Variants in BRPF1 observed in about 807,000 individuals in gnomAD.
The protein encoded by BRPF1 is peregrin.
In BRPF1, 15 loss-of-function variants were observed where a neutral mutation model predicts 115.0. The observed-to-expected ratio is 0.13, with a 90% CI of 0.09 to 0.20. The LOEUF (loss-of-function observed/expected upper bound fraction) is 0.20. Among genes scored for constraint, BRPF1 ranks in the 10% least tolerant of loss-of-function variants. BRPF1 has a pLI of 1.00. For synonymous variants in BRPF1, 647 were observed against 619.8 expected (o/e 1.04, Z -0.65); for missense variants, 1,118 against 1,638.3 (o/e 0.68, Z 5.48).
chr3:9,744,809 C>G (rs887923124), intron 9 of BRPF1, among the ~76,000 whole-genome samples, 199 bp from the exon 10 acceptor site: 1 of 152,182 alleles, frequency 6.6e-6, no homozygotes, highest in Non-Finnish European at 1.5e-5. Flanking sequence ...CCAGTAACTG[C>G]CGAGGGAAGC....
Position 9,745,778 on chromosome 3 carries a change from G to A in BRPF1, c.3206-34G>A. On this transcript the variant is annotated intron_variant, in intron 11 of 13. Coordinates refer to ENST00000383829, the MANE Select transcript of BRPF1 (RefSeq NM_001003694.2). This position sits in a 1 kb window ranked among gnomAD's most constrained non-coding sequence, Gnocchi z 5.1. ...TCAGGGTCTCGCCAGCCCCCCAGCTGCTGATCCACCCCCTCTCCCCCATTC... is the reference window on the plus strand; with the variant it reads ...TCAGGGTCTCGCCAGCCCCCCAGCTACTGATCCACCCCCTCTCCCCCATTC... 6.2e-7 allele frequency: 1 copy of A among 1,610,976 alleles called. No homozygotes were observed. The highest frequency in any genetic ancestry group is 8.5e-7 in the Non-Finnish European group (1 of 1,177,452).
chr3:9,747,429 C>T lies in BRPF1; in HGVS notation c.*80C>T. ...GCTCACTGTCCTGGAGTGGCACCGGCCTCTGCACTGACTCATTTCTGGTCT... is the reference window on the plus strand; with the variant it reads ...GCTCACTGTCCTGGAGTGGCACCGGTCTCTGCACTGACTCATTTCTGGTCT... On this transcript the variant is annotated 3_prime_UTR_variant, in exon 14 of 14. Coordinates refer to ENST00000383829, the MANE Select transcript of BRPF1 (RefSeq NM_001003694.2). The surrounding 1 kb of genome is among the most constrained non-coding windows in gnomAD (Gnocchi z 5.6). The T allele has an allele frequency of 1.3e-6, 2 of 1,524,084 alleles. No homozygotes were observed. Among genetic ancestry groups the T allele is most frequent in the Non-Finnish European group, 8.9e-7 (1 of 1,117,358 alleles). 94.4% of individuals were successfully genotyped at this position (1,524,084 alleles called of 1,614,324 possible).
chr3:9,744,873 T>C, intron 9 of BRPF1, 135 bp from the exon 10 acceptor site: 1 of 1,206,958 alleles, frequency 8.3e-7, no homozygotes, highest in African/African-American at 1.5e-5. Flanking sequence ...CAGAGCTAGC[T>C]CTGCTGGCCA....
chr3:9,743,179 G>T lies in BRPF1; in HGVS notation c.2237G>T (p.Gly746Val). The T allele has an allele frequency of 6.2e-7, 1 of 1,614,250 alleles. No individual in the cohort carries two copies. The highest frequency in any genetic ancestry group is 8.5e-7 in the Non-Finnish European group (1 of 1,180,052). The stretch of plus-strand genomic sequence containing the variant: ...GCCCGGCGCCAGGCAGAAAAAATGG[G>T]CATTGACTTTGAGACGGGCATGCAT... The part of the protein sequence containing the change: ...RQARRQAEKM[G>V]IDFETGMHIP... The change falls in exon 7 of 14, where the codon GGC becomes GTC. Residue 746 changes from glycine to valine, a missense_variant. By Grantham distance (109) the Gly-to-Val change is moderately radical (BLOSUM62 -3). This residue lies in a region of BRPF1 where 223 missense variants were observed against 240.7 expected (regional missense o/e 0.93). Transcript: ENST00000383829. This position sits in a 1 kb window ranked among gnomAD's most constrained non-coding sequence, Gnocchi z 6.1.
rs201651794 is a variant in BRPF1, at chr3:9,743,620, A to G, written c.2354A>G (p.His785Arg). Residue 785 changes from histidine to arginine, a missense_variant, in exon 8 of 14, where the codon CAC becomes CGC. Transcript: ENST00000383829. This position sits in a 1 kb window ranked among gnomAD's most constrained non-coding sequence, Gnocchi z 6.1. Reference sequence around the variant, plus strand: ...CTGGTCTTGCTGGAGAACCAGAAGCACCTGCCAGTGGAAGAACAGCTAAAG... The same window carrying G: ...CTGGTCTTGCTGGAGAACCAGAAGCGCCTGCCAGTGGAAGAACAGCTAAAG... ...ERLVLLENQK[H>R]LPVEEQLKLL... 2.5e-6 allele frequency: 4 copies of G among 1,611,794 alleles called. No individual in the cohort carries two copies. Among genetic ancestry groups the G allele is most frequent in the Non-Finnish European group, 8.5e-7 (1 of 1,179,566 alleles).
At chr3:9,741,990 C>G in intron 5 of BRPF1, 35 bp from the exon 6 acceptor site, 1 of 1,611,684 alleles carries the variant, frequency 6.2e-7, no homozygotes, top group South Asian at 1.1e-5. Context: ...CTGAACTGGC[C>G]GAGGCCTGGC....
Position 9,740,839 on chromosome 3 carries a change from G to A in BRPF1, c.1620G>A (p.Leu540=), listed in dbSNP as rs754299765. The A allele has an allele frequency of 1.4e-5, 22 of 1,614,118 alleles. No homozygotes were observed. The African/African-American group carries it at 2.9e-4, about 22-fold the overall frequency. Residue 540 remains leucine, a synonymous_variant, in exon 4 of 14, where the codon CTG becomes CTA. Transcript: ENST00000383829. ...IQRKSQFMQR[L]HSYWTLKRQS... ...GGAAGAGCCAGTTCATGCAGAGGCT[G>A]CACAGCTACTGGACACTGAAGCGGC...
chr3:9,747,460 C>T lies in BRPF1; in HGVS notation c.*111C>T, dbSNP rs1575170804. 1 of 1,383,318 alleles carries T rather than the reference C, an allele frequency of 7.2e-7. No homozygotes were observed. The highest frequency in any genetic ancestry group is 9.9e-7 in the Non-Finnish European group (1 of 1,006,742). 85.7% of individuals were successfully genotyped at this position (1,383,318 alleles called of 1,614,324 possible). ...CACTGACTCATTTCTGGTCTTGGGG[C>T]CAGTCTCAGGGGAAGCTGGGTGGGG... On this transcript the variant is annotated 3_prime_UTR_variant, in exon 14 of 14. Coordinates refer to ENST00000383829, the MANE Select transcript of BRPF1 (RefSeq NM_001003694.2). The surrounding 1 kb of genome is among the most constrained non-coding windows in gnomAD (Gnocchi z 5.6).
rs200485819 is a variant in BRPF1, at chr3:9,745,951, C to T, written c.3324+21C>T. The T allele has an allele frequency of 1.3e-5, 21 of 1,596,966 alleles. No individual in the cohort carries two copies. In the East Asian group the frequency reaches 3.1e-4, roughly 24 times the overall value. ...CTCTGGTATGCTTGCTTCTGTTACA[C>T]TTCTTGCTTTCCAATCCCAGAATAC... On this transcript the variant is annotated intron_variant, in intron 12 of 13. Coordinates refer to ENST00000383829, the MANE Select transcript of BRPF1 (RefSeq NM_001003694.2). The surrounding 1 kb of genome is among the most constrained non-coding windows in gnomAD (Gnocchi z 5.1).
Position 9,734,510 on chromosome 3 carries a change from G to C in BRPF1, c.370G>C (p.Glu124Gln), listed in dbSNP as rs940422532. The C allele has an allele frequency of 6.2e-7, 1 of 1,613,992 alleles. No homozygotes were observed. The highest frequency in any genetic ancestry group is 1.7e-5 in the Admixed American group (1 of 59,990). The change falls in exon 2 of 14, where the codon GAA becomes CAA. Residue 124 changes from glutamate (E) to glutamine (Q), a missense_variant. Physicochemically the swap from Glu to Gln is conservative, Grantham distance 29. Around this residue, in one of 10 missense-constraint regions of BRPF1, gnomAD observed 280 missense variants for 382.8 expected, o/e 0.73. Coordinates refer to ENST00000383829, the MANE Select transcript of BRPF1 (RefSeq NM_001003694.2). The surrounding 1 kb of genome is among the most constrained non-coding windows in gnomAD (Gnocchi z 5.7). Reference sequence around the variant, plus strand: ...CCTGGATGTGGTGTCAGAGGATGAGGAAGCCCCCGAGGAGGCCCCTGAGAA... The same window carrying C: ...CCTGGATGTGGTGTCAGAGGATGAGCAAGCCCCCGAGGAGGCCCCTGAGAA... ...DNLDVVSEDE[E>Q]APEEAPENGS... is the part of the protein sequence containing the mutation.
At chr3:9,736,120 G>T (rs966542616) in intron 2 of BRPF1, among the ~76,000 whole-genome samples, 2 of 137,232 alleles carry the variant, frequency 1.5e-5, no homozygotes, top group Non-Finnish European at 3.0e-5. Context: ...CAATTCTCAC[G>T]CCTCAGCCTC....
Position 9,744,353 on chromosome 3 carries a change from A to C in BRPF1, c.2765A>C (p.Glu922Ala). Residue 922 changes from glutamate (E) to alanine (A), a missense_variant, in exon 9 of 14, where the codon GAG becomes GCG. Glu to Ala is a moderately radical substitution (Grantham distance 107, BLOSUM62 -1). Coordinates refer to ENST00000383829, the MANE Select transcript of BRPF1 (RefSeq NM_001003694.2). ...KRPGRPPKNR[E>A]SQMTPSHGGS... ...CCGGGCCGGCCCCCCAAAAACCGGG[A>C]GAGCCAGATGACCCCCAGCCACGGA... The C allele has an allele frequency of 6.2e-7, 1 of 1,613,544 alleles. No homozygotes were observed.
chr3:9,738,032 C>G (rs1430922260), intron 2 of BRPF1, among the ~76,000 whole-genome samples: 1 of 152,110 alleles, frequency 6.6e-6, no homozygotes, highest in African/African-American at 2.4e-5. Flanking sequence ...GCTTAGAAGC[C>G]AAAGCCCCAT....
rs1480111661 is a variant in BRPF1, at chr3:9,744,499, C to G, written c.2911C>G (p.Pro971Ala). Residue 971 changes from proline to alanine, a missense_variant, in exon 9 of 14, where the codon CCC (proline) becomes GCC (alanine). This residue lies in a region of BRPF1 where 92 missense variants were observed against 102.2 expected (regional missense o/e 0.90). Coordinates refer to ENST00000383829, the MANE Select transcript of BRPF1 (RefSeq NM_001003694.2). Reference protein sequence around the residue: ...DSDSDKSTEDPPMDLPANGFS... With the variant: ...DSDSDKSTEDAPMDLPANGFS... ...CGACAGTGATAAGTCCACAGAAGAC[C>G]CCCCAATGGGTGAGCCTTACCATCA... is the stretch of plus-strand genomic sequence containing the variant. 6.6e-7 allele frequency: 1 copy of G among 1,524,378 alleles called. No individual in the cohort carries two copies. The highest frequency in any genetic ancestry group is 1.4e-5 in the African/African-American group (1 of 71,698). 94.4% of individuals were successfully genotyped at this position (1,524,378 alleles called of 1,614,324 possible). A position where few individuals can be genotyped will look rare whatever the true frequency, so the allele number is the denominator to read the frequency against.
chr3:9,734,430 G>T lies in BRPF1; in HGVS notation c.290G>T (p.Arg97Leu). 6.2e-7 allele frequency: 1 copy of T among 1,614,094 alleles called. No individual in the cohort carries two copies. The highest frequency in any genetic ancestry group is 1.1e-5 in the South Asian group (1 of 91,084). ...REVMSYAQAQ[R>L]MVEVDLHGRV... Reference sequence around the variant, plus strand: ...GTGATGAGCTATGCACAGGCCCAGCGCATGGTGGAGGTGGACTTGCATGGC... The same window carrying T: ...GTGATGAGCTATGCACAGGCCCAGCTCATGGTGGAGGTGGACTTGCATGGC... The change falls in exon 2 of 14, where the codon CGC becomes CTC. Residue 97 changes from arginine (R) to leucine (L), a missense_variant. Physicochemically the swap from Arg to Leu is moderately radical, Grantham distance 102. Around this residue, in one of 10 missense-constraint regions of BRPF1, gnomAD observed 280 missense variants for 382.8 expected, o/e 0.73. Coordinates refer to ENST00000383829, the MANE Select transcript of BRPF1 (RefSeq NM_001003694.2). The surrounding 1 kb of genome is among the most constrained non-coding windows in gnomAD (Gnocchi z 5.7).
chr3:9,742,260 A>T (rs2077044332), intron 6 of BRPF1, 89 bp downstream of exon 6: 2 of 1,554,858 alleles, frequency 1.3e-6, no homozygotes, highest in Non-Finnish European at 1.7e-6. Flanking sequence ...CTAGATGGGG[A>T]CCTTGAAGAG....
chr3:9,741,447 CT>C lies in BRPF1; in HGVS notation c.1854+9del, dbSNP rs749722349. ...AAACTCAAAAGGGAGACGGTGAGTGCTCCTGGGCCAGCCCTATTTTATAAAA... is the reference window on the plus strand; with the variant it reads ...AAACTCAAAAGGGAGACGGTGAGTGCCCTGGGCCAGCCCTATTTTATAAAA... On this transcript the variant is annotated intron_variant, in intron 5 of 13. Coordinates refer to ENST00000383829, the MANE Select transcript of BRPF1 (RefSeq NM_001003694.2). 2 of 1,569,362 alleles carry C rather than the reference CT, an allele frequency of 1.3e-6. No homozygotes were observed. The highest frequency in any genetic ancestry group is 2.3e-5 in the South Asian group (2 of 86,848).
intron 12 of BRPF1, among the ~76,000 whole-genome samples, 156 bp downstream of exon 12, chr3:9,746,086 C>T (rs913371907): frequency 3.9e-5 from 6 of 152,154 alleles, no homozygotes; most frequent in African/African-American, 1.4e-4. Context: ...CTTAGAGGCT[C>T]CCACTCAGTT....
chr3:9,743,567 C>G lies in BRPF1; in HGVS notation c.2312-11C>G. 6.2e-7 allele frequency: 1 copy of G among 1,608,450 alleles called. No homozygotes were observed. The highest frequency in any genetic ancestry group is 8.5e-7 in the Non-Finnish European group (1 of 1,176,854). ...CTGAGTCTGACCTTTCCCCTCCAACCCTACCCCTAGCAGCCGAGGAAGAGC... is the reference window on the plus strand; with the variant it reads ...CTGAGTCTGACCTTTCCCCTCCAACGCTACCCCTAGCAGCCGAGGAAGAGC... On this transcript the variant is annotated splice_polypyrimidine_tract_variant and intron_variant, in intron 7 of 13. Coordinates refer to ENST00000383829, the MANE Select transcript of BRPF1 (RefSeq NM_001003694.2). The surrounding 1 kb of genome is among the most constrained non-coding windows in gnomAD (Gnocchi z 6.1).
Sources: allele counts gnomAD v4.1 joint callset (sites outside exome capture counted in the v4.1 genomes callset), GRCh38; gene constraint gnomAD v4.1.1; regional missense constraint gnomAD v4.1.1; non-coding constraint Gnocchi (gnomAD v3.1); transcripts MANE v1.5; gene names NCBI Gene and HGNC (gene_info 2026-07-23, HGNC 2026-07-21).